Variants in KCNIP3 observed in about 807,000 individuals in gnomAD.
The protein encoded by KCNIP3 is potassium voltage-gated channel interacting protein 3.
A neutral mutation model predicts 35.0 loss-of-function variants in KCNIP3; 28 were observed. The ratio of observed to expected loss-of-function variants is 0.80; its 90% CI spans 0.59 to 1.10. KCNIP3 has a LOEUF of 1.10. KCNIP3 is among the 50% of genes least tolerant of loss of function. The probability of loss-of-function intolerance (pLI) is 0.00; values close to 1 mark genes in which losing one functional copy is unlikely to be tolerated. For synonymous variants in KCNIP3, 134 were observed against 133.8 expected (o/e 1.00, Z -0.01); for missense variants, 295 against 338.4 (o/e 0.87, Z 1.01).
intron 2 of KCNIP3, among the ~76,000 whole-genome samples, chr2:95,336,559 C>A (rs577762067): frequency 3.3e-5 from 5 of 152,300 alleles, no homozygotes; most frequent in Admixed American, 6.5e-5. Flanking sequence ...ACTTCATAAT[C>A]AGCCACTTTC....
chr2:95,333,801 T>C (rs1678991011), intron 2 of KCNIP3, among the ~76,000 whole-genome samples: 1 of 152,204 alleles, frequency 6.6e-6, no homozygotes, highest in Admixed American at 6.5e-5. Context: ...CCCAGCTTCC[T>C]TGAGGCAAAG....
intron 2 of KCNIP3, among the ~76,000 whole-genome samples, chr2:95,314,816 C>T (rs1026739462): frequency 6.6e-5 from 10 of 152,340 alleles, no homozygotes; most frequent in South Asian, 4.2e-4. Context: ...AGCAGAGGTG[C>T]GGTGAGCAGG....
chr2:95,356,664 T>G (rs930771874), intron 2 of KCNIP3, among the ~76,000 whole-genome samples: 1 of 152,166 alleles, frequency 6.6e-6, no homozygotes, highest in Non-Finnish European at 1.5e-5. Flanking sequence ...GTTGTAGATG[T>G]GTGGTGTTAT....
At chr2:95,341,871 T>C (rs772174198) in intron 2 of KCNIP3, among the ~76,000 whole-genome samples, 13 of 152,128 alleles carry the variant, frequency 8.5e-5, no homozygotes, top group African/African-American at 1.9e-4. Context: ...TGCAGTCTAG[T>C]GGGAGAGCAG....
intron 2 of KCNIP3, among the ~76,000 whole-genome samples, chr2:95,370,444 G>A (rs1440441582): frequency 6.6e-6 from 1 of 152,206 alleles, no homozygotes; most frequent in Non-Finnish European, 1.5e-5. Context: ...GAGATGCTTA[G>A]GGAGGTATCT....
chr2:95,303,603 G>T (rs2104199825), intron 1 of KCNIP3: 1 of 152,764 alleles, frequency 6.5e-6, no homozygotes, highest in African/African-American at 2.4e-5. Context: ...CCGCTCTCCT[G>T]GGCCTGGGCA....
intron 2 of KCNIP3, chr2:95,355,253 C>G (rs906298614): frequency 6.6e-6 from 1 of 152,260 alleles, no homozygotes; most frequent in African/African-American, 2.4e-5. Flanking sequence ...AGAGGACCCA[C>G]TGCCCTGAGC....
At position 95,325,628 on chromosome 2, in the gene KCNIP3, C is replaced by T. The variant is rs537272725; in HGVS notation, c.181+15108C>T. On this transcript the variant is annotated intron_variant, in intron 2 of 8. Coordinates refer to ENST00000295225, the MANE Select transcript of KCNIP3 (RefSeq NM_013434.5). ...TCATACACACGTACACACACACACTCACACACACACACGCATACACACAAA... is the reference window on the plus strand; with the variant it reads ...TCATACACACGTACACACACACACTTACACACACACACGCATACACACAAA... 4.1e-5 allele frequency among the ~76,000 whole-genome samples: 6 copies of T among 146,644 alleles called. No homozygotes were observed. In the East Asian group the frequency reaches 6.0e-4, roughly 15 times the overall value.
chr2:95,298,685 T>A (rs549217753), intron 1 of KCNIP3: 1 of 152,206 alleles, frequency 6.6e-6, no homozygotes, highest in African/African-American at 2.4e-5. Context: ...TCTTCCAGGG[T>A]GCCAAGAGGA....
intron 2 of KCNIP3, among the ~76,000 whole-genome samples, chr2:95,326,281 A>G (rs1449885357): frequency 4.6e-5 from 7 of 151,890 alleles, no homozygotes; most frequent in Admixed American, 6.6e-5. Flanking sequence ...CACTCACTAC[A>G]CATACACACT....
At chr2:95,340,526 G>A (rs1679171303) in intron 2 of KCNIP3, among the ~76,000 whole-genome samples, 1 of 152,232 alleles carries the variant, frequency 6.6e-6, no homozygotes, top group African/African-American at 2.4e-5. Context: ...GGGTTTTGGT[G>A]GCAAGCTGGC....
intron 1 of KCNIP3, among the ~76,000 whole-genome samples, chr2:95,301,265 C>T (rs1399510878): frequency 6.6e-6 from 1 of 152,256 alleles, no homozygotes; most frequent in Non-Finnish European, 1.5e-5. Flanking sequence ...CTGGCTGACT[C>T]AAGTCAGGGC....
At chr2:95,362,980 T>A (rs1679837119) in intron 2 of KCNIP3, among the ~76,000 whole-genome samples, 1 of 152,246 alleles carries the variant, frequency 6.6e-6, no homozygotes, top group African/African-American at 2.4e-5. Context: ...ATCTTTTGGG[T>A]TTGTATCCAT....
At chr2:95,307,345 A>G (rs1026695887) in intron 1 of KCNIP3, among the ~76,000 whole-genome samples, 24 of 152,144 alleles carry the variant, frequency 1.6e-4, no homozygotes, top group Admixed American at 3.9e-4. Flanking sequence ...AGACCGCCCC[A>G]GGGACCCAGG....
At chr2:95,325,699 A>G (rs1452644576) in intron 2 of KCNIP3, among the ~76,000 whole-genome samples, 1 of 151,388 alleles carries the variant, frequency 6.6e-6, no homozygotes, top group African/African-American at 2.4e-5. Context: ...ATACACACTC[A>G]TACATACACA....
chr2:95,304,824 G>T (rs1678131059), intron 1 of KCNIP3, among the ~76,000 whole-genome samples: 1 of 152,168 alleles, frequency 6.6e-6, no homozygotes, highest in African/African-American at 2.4e-5. Context: ...CTCCCCACAG[G>T]CCAGGAGGAC....
At chr2:95,360,729 A>AACAG (rs1007253949) in intron 2 of KCNIP3, among the ~76,000 whole-genome samples, 2 of 152,118 alleles carry the variant, frequency 1.3e-5, no homozygotes, top group Non-Finnish European at 2.9e-5. Flanking sequence ...CATGGCGAAG[A>AACAG]ACAGACAGAC....
chr2:95,334,261 G>C (rs1033123790), intron 2 of KCNIP3, among the ~76,000 whole-genome samples: 5 of 152,232 alleles, frequency 3.3e-5, no homozygotes, highest in Admixed American at 6.5e-5. Flanking sequence ...CTGGCGGGGG[G>C]GTTAGAATAG....
At chr2:95,302,650 C>T (rs946789341) in intron 1 of KCNIP3, among the ~76,000 whole-genome samples, 1 of 152,192 alleles carries the variant, frequency 6.6e-6, no homozygotes. Context: ...ACATTGTCAC[C>T]CCCATTTTGC....
Sources: allele counts gnomAD v4.1 joint callset (sites outside exome capture counted in the v4.1 genomes callset), GRCh38; gene constraint gnomAD v4.1.1; transcripts MANE v1.5; gene names NCBI Gene and HGNC (gene_info 2026-07-23, HGNC 2026-07-21).